The following GPC6 variants were observed in gnomAD, a reference collection of about 807,000 sequenced individuals.
GPC6 encodes glypican 6, also known as glypican-6.
Under a neutral mutation model 55.2 loss-of-function variants are expected in GPC6, and 14 were observed. The observed-to-expected ratio is 0.25, with a 90% CI of 0.17 to 0.40. The LOEUF is 0.40. Among genes scored for constraint, GPC6 ranks in the 10% least tolerant of loss-of-function variants. GPC6 has a pLI of 1.00. For missense variants in GPC6, 641 were observed against 708.5 expected, an observed-to-expected ratio of 0.90 and a Z score of 1.08; for synonymous variants, 278 against 259.6, an observed-to-expected ratio of 1.07 and a Z score of -0.68.
intron 4 of GPC6, among the ~76,000 whole-genome samples, chr13:94,207,647 C>T (rs1444924570): frequency 6.6e-6 from 1 of 151,808 alleles, no homozygotes; most frequent in African/African-American, 2.4e-5. Context: ...CTCTTTTTTT[C>T]CCCCTTAGGT....
At chr13:94,348,278 G>C (rs1878382122) in intron 6 of GPC6, among the ~76,000 whole-genome samples, 1 of 152,134 alleles carries the variant, frequency 6.6e-6, no homozygotes, top group African/African-American at 2.4e-5. Context: ...CCATTCACCT[G>C]TCCCCACTAC....
At chr13:93,826,522 GA>G (rs1009902490) in intron 2 of GPC6, among the ~76,000 whole-genome samples, 11 of 151,648 alleles carry the variant, frequency 7.3e-5, no homozygotes, top group Admixed American at 2.0e-4. Context: ...CTGAGAGCAT[GA>G]AAAAAAATAG....
intron 2 of GPC6, among the ~76,000 whole-genome samples, chr13:93,612,543 A>AC (rs1566449513): frequency 3.1e-4 from 46 of 148,640 alleles, no homozygotes; most frequent in East Asian, 8.2e-4. Context: ...ACACACACAC[A>AC]AACTTCATGT....
chr13:93,235,990 C>T (rs1887708), intron 1 of GPC6, among the ~76,000 whole-genome samples: 39,233 of 152,016 alleles, frequency 0.26, 5,171 homozygotes, highest in African/African-American at 0.32. Context: ...GGAGCTAAGG[C>T]CTCATGACAA....
rs1243722986 is a variant in GPC6, at chr13:93,492,338, A to G, written c.161-52925A>G. Among the ~76,000 whole-genome samples the G allele has an allele frequency of 2.2e-5, 3 of 133,462 alleles. No homozygotes were observed. In the South Asian group the frequency reaches 7.5e-4, roughly 33 times the overall value. The allele number at this position is 133,462 out of a possible 152,430, so 87.6% of individuals were successfully genotyped here. Reference sequence around the variant, plus strand: ...CTCTCTGTTTGTCTGTTGTTGGTGTATAAGAATGCTTGTGATTTTTCTACA... The same window carrying G: ...CTCTCTGTTTGTCTGTTGTTGGTGTGTAAGAATGCTTGTGATTTTTCTACA... On this transcript the variant is annotated intron_variant, in intron 1 of 8. Transcript: ENST00000377047.
At chr13:94,394,056 T>C (rs1412250371) in intron 7 of GPC6, among the ~76,000 whole-genome samples, 1 of 152,218 alleles carries the variant, frequency 6.6e-6, no homozygotes, top group Non-Finnish European at 1.5e-5. Context: ...ATCAGCCCTC[T>C]CACCCCCAAA....
intron 4 of GPC6, among the ~76,000 whole-genome samples, chr13:94,258,306 G>T (rs191810039): frequency 2.0e-4 from 31 of 152,274 alleles, no homozygotes; most frequent in East Asian, 1.5e-3. Context: ...GAATCAAATT[G>T]GCACTGATTT....
intron 2 of GPC6, among the ~76,000 whole-genome samples, chr13:93,621,547 G>A (rs934358502): frequency 2.0e-5 from 3 of 152,084 alleles, no homozygotes; most frequent in African/African-American, 7.2e-5. Context: ...GGTGGAGGAC[G>A]GGGAATCTGG....
intron 1 of GPC6, among the ~76,000 whole-genome samples, chr13:93,467,480 G>A (rs1435177856): frequency 3.3e-5 from 5 of 150,674 alleles, no homozygotes; most frequent in African/African-American, 9.8e-5. Flanking sequence ...CCACTGGTAT[G>A]TATCTTGTCT....
intron 4 of GPC6, among the ~76,000 whole-genome samples, chr13:94,228,394 T>G (rs886456767): frequency 4.9e-4 from 74 of 152,198 alleles, no homozygotes; most frequent in African/African-American, 1.7e-3. Context: ...CAAGAAAAAT[T>G]GAAACTTTAT....
At chr13:93,235,869 T>C (rs1876215859) in intron 1 of GPC6, among the ~76,000 whole-genome samples, 1 of 152,152 alleles carries the variant, frequency 6.6e-6, no homozygotes, top group South Asian at 2.1e-4. Context: ...GTGAGAAAGC[T>C]GTAAGCTTGC....
chr13:94,182,661 T>C (rs552430158), intron 4 of GPC6, among the ~76,000 whole-genome samples: 1 of 152,328 alleles, frequency 6.6e-6, no homozygotes, highest in South Asian at 2.1e-4. Flanking sequence ...GAATAAACTA[T>C]CTTGCCAGCA....
At chr13:93,807,414 G>T (rs1239417178) in intron 2 of GPC6, among the ~76,000 whole-genome samples, 1 of 152,142 alleles carries the variant, frequency 6.6e-6, no homozygotes, top group Non-Finnish European at 1.5e-5. Context: ...ATTCCTCAGG[G>T]GAATTTGATA....
chr13:94,287,440 T>C (rs1346881787), intron 5 of GPC6, among the ~76,000 whole-genome samples: 1 of 152,184 alleles, frequency 6.6e-6, no homozygotes, highest in Non-Finnish European at 1.5e-5. Context: ...TAGGAAGACA[T>C]TGCAGAGCAA....
chr13:94,340,941 C>G (rs1028876982), intron 6 of GPC6, among the ~76,000 whole-genome samples: 1 of 152,192 alleles, frequency 6.6e-6, no homozygotes, highest in East Asian at 1.9e-4. Context: ...TATCTCTGGC[C>G]TCATTACTGA....
rs1261366239 is a variant in GPC6, at chr13:94,306,370, ACTT to A, written c.1152+251_1152+253del. On this transcript the variant is annotated intron_variant, in intron 6 of 8. Transcript: ENST00000377047. Reference sequence around the variant, plus strand: ...CATGTATGCAGTGACCACATTTTCAACTTCTTATTTCTCATGAAATATTAATTT... The same window carrying A: ...CATGTATGCAGTGACCACATTTTCAACTTATTTCTCATGAAATATTAATTT... The A allele has an allele frequency of 2.0e-5, 11 of 541,154 alleles. No homozygotes were observed. The East Asian group carries it at 2.3e-4, about 11-fold the overall frequency. 33.5% of individuals were successfully genotyped at this position (541,154 alleles called of 1,614,324 possible).
chr13:93,935,656 G>A (rs945936), intron 3 of GPC6, among the ~76,000 whole-genome samples: 55,867 of 152,044 alleles, frequency 0.37, 10,439 homozygotes, highest in Middle Eastern at 0.49. Context: ...TTATATTTCT[G>A]TTGGAGAGCA....
chr13:93,406,665 A>G (rs930283649), intron 1 of GPC6, among the ~76,000 whole-genome samples: 2 of 152,320 alleles, frequency 1.3e-5, no homozygotes, highest in Non-Finnish European at 2.9e-5. Context: ...ATCTTATTCA[A>G]TGCTAAACTT....
chr13:94,055,482 C>T (rs916944336), intron 4 of GPC6, among the ~76,000 whole-genome samples: 21 of 152,002 alleles, frequency 1.4e-4, no homozygotes, highest in Admixed American at 3.9e-4. Flanking sequence ...TAAAATGAAA[C>T]GTGATTATTT....
Sources: allele counts gnomAD v4.1 joint callset (sites outside exome capture counted in the v4.1 genomes callset), GRCh38; gene constraint gnomAD v4.1.1; transcripts MANE v1.5; gene names NCBI Gene and HGNC (gene_info 2026-07-23, HGNC 2026-07-21).